The following C10orf105 variants were observed in gnomAD, a reference collection of about 807,000 sequenced individuals.
The protein encoded by C10orf105 is chromosome 10 open reading frame 105.
Under a neutral mutation model 0.6 loss-of-function variants are expected in C10orf105, and 2 were observed. The ratio of observed to expected loss-of-function variants is 3.18; its 90% CI spans 1.30 to 10.01. The LOEUF (loss-of-function observed/expected upper bound fraction) is 10.01, where lower values mean the gene tolerates loss of function less well. C10orf105 is among the 30% of genes most tolerant of loss of function. The probability of loss-of-function intolerance (pLI) is 0.04; values close to 1 mark genes in which losing one functional copy is unlikely to be tolerated. For synonymous variants in C10orf105, 95 were observed against 82.4 expected, an observed-to-expected ratio of 1.15 and a Z score of -0.83; for missense variants, 209 against 191.4, an observed-to-expected ratio of 1.09 and a Z score of -0.54.
intron 1 of C10orf105, among the ~76,000 whole-genome samples, chr10:71,718,469 C>T (rs986896415): frequency 2.1e-4 from 32 of 152,142 alleles, no homozygotes; most frequent in Non-Finnish European, 2.8e-4. Context: ...TCCGCCTTTG[C>T]GGCATCAGGC....
chr10:71,716,614 G>A, intron 1 of C10orf105: 1 of 370,860 alleles, frequency 2.7e-6, no homozygotes, highest in East Asian at 4.1e-5. Flanking sequence ...GAGGGCGGTG[G>A]CCTGTCCGCA....
At position 71,713,563 on chromosome 10, in the gene C10orf105, G is replaced by A; in HGVS notation, c.*2373C>T. On this transcript the variant is annotated 3_prime_UTR_variant, in exon 2 of 2. Transcript: ENST00000441508. ...CAGGAGGCGGGCAGGAAAGGGCTGG[G>A]GAGCAGGGAGCTGACTCCCAGAAAC... 1 of 460,450 alleles carries A rather than the reference G, an allele frequency of 2.2e-6. No individual in the cohort carries two copies. Among genetic ancestry groups the A allele is most frequent in the Non-Finnish European group, 3.9e-6 (1 of 254,968 alleles). 28.5% of individuals were successfully genotyped at this position (460,450 alleles called of 1,614,324 possible).
intron 1 of C10orf105, among the ~76,000 whole-genome samples, chr10:71,719,071 C>T (rs1032396004): frequency 3.3e-5 from 5 of 151,808 alleles, no homozygotes; most frequent in African/African-American, 1.2e-4. Context: ...GAGCAACACT[C>T]TGTCTCAAAA....
Position 71,716,197 on chromosome 10 carries a change from G to A in C10orf105, c.141C>T (p.Leu47=), listed in dbSNP as rs967028226. ...PMLIALACIF[L]LLATCLLFMT... ...TGAACAGCAGACAGGTGGCCAGCAG[G>A]AGGAAGATGCAGGCCAGGGCGATGA... is the stretch of plus-strand genomic sequence containing the variant. The change falls in exon 2 of 2, where the codon CTC becomes CTT. Residue 47 remains leucine, a synonymous_variant. Coordinates refer to ENST00000441508, the MANE Select transcript of C10orf105 (RefSeq NM_001164375.3). The A allele has an allele frequency of 3.9e-6, 6 of 1,551,160 alleles. No individual in the cohort carries two copies. The African/African-American group carries it at 5.5e-5, about 14-fold the overall frequency.
At position 71,715,996 on chromosome 10, in the gene C10orf105, G is replaced by A. The variant is rs754255948; in HGVS notation, c.342C>T (p.Pro114=). ...RHGRPTVPRQ[P]LPGPEDNRSH... is the part of the protein sequence containing the mutation. ...TGCGGTTGTCCTCGGGGCCCGGCAG[G>A]GGCTGTCGAGGGACGGTGGGCCGGC... Residue 114 remains proline, a synonymous_variant, in exon 2 of 2, where the codon CCC becomes CCT. Transcript: ENST00000441508. 1,751 of 1,497,098 alleles carry A rather than the reference G, an allele frequency of 1.2e-3. 3 individuals carry two copies. Among genetic ancestry groups the A allele is most frequent in the Non-Finnish European group, 1.4e-3 (1,620 of 1,122,838 alleles). The allele number at this position is 1,497,098 out of a possible 1,614,324, so 92.7% of individuals were successfully genotyped here.
At chr10:71,718,152 T>G (rs1219021629) in intron 1 of C10orf105, among the ~76,000 whole-genome samples, 1 of 152,212 alleles carries the variant, frequency 6.6e-6, no homozygotes, top group African/African-American at 2.4e-5. Flanking sequence ...CAGTTGAGTT[T>G]CTAGCACGGA....
intron 1 of C10orf105, among the ~76,000 whole-genome samples, chr10:71,734,003 G>A (rs571539135): frequency 9.8e-5 from 15 of 152,356 alleles, no homozygotes; most frequent in Non-Finnish European, 2.2e-4. Context: ...ACAACAGAGG[G>A]GTAGTGGAGC....
intron 1 of C10orf105, chr10:71,717,063 G>A (rs1007310012): frequency 2.6e-5 from 4 of 152,272 alleles, no homozygotes; most frequent in African/African-American, 9.7e-5. Flanking sequence ...CTGGCCCCGT[G>A]GGGATTCCTG....
upstream of C10orf105, chr10:71,724,250 G>A (rs1866706703): frequency 2.5e-6 from 2 of 796,418 alleles, no homozygotes; most frequent in Non-Finnish European, 4.1e-6. Flanking sequence ...GAGGAAACAG[G>A]GACATTCTCC....
chr10:71,725,499 C>A (rs748972203), intron 1 of C10orf105: 1 of 1,613,640 alleles, frequency 6.2e-7, no homozygotes, highest in Non-Finnish European at 8.5e-7. Context: ...ACGACCTGGG[C>A]CCCATGCGGA....
intron 1 of C10orf105, among the ~76,000 whole-genome samples, chr10:71,730,079 C>T (rs1839313298): frequency 6.6e-6 from 1 of 152,126 alleles, no homozygotes; most frequent in Admixed American, 6.5e-5. Flanking sequence ...CGTGATCTGC[C>T]CACCTCGGCC....
rs1269560439 is a variant in C10orf105 at position 71,712,542 on chromosome 10, G to T, written c.*3394C>A. On this transcript the variant is annotated 3_prime_UTR_variant, in exon 2 of 2. Transcript: ENST00000441508. ...AAAAAGGAAGTCACCCCTTGCAAAG[G>T]CTAGGGCAGATGGGGCGGAACAGGG... is the stretch of plus-strand genomic sequence containing the variant. 2.8e-6 allele frequency: 3 copies of T among 1,087,996 alleles called. No homozygotes were observed. In the East Asian group the frequency reaches 7.7e-5, roughly 28 times the overall value. 67.4% of individuals were successfully genotyped at this position (1,087,996 alleles called of 1,614,324 possible).
At position 71,712,874 on chromosome 10, in the gene C10orf105, C is replaced by T; in HGVS notation, c.*3062G>A. The T allele has an allele frequency of 2.5e-6, 4 of 1,569,030 alleles. No individual in the cohort carries two copies. The highest frequency in any genetic ancestry group is 1.8e-5 in the Admixed American group (1 of 54,794). On this transcript the variant is annotated 3_prime_UTR_variant, in exon 2 of 2. Transcript: ENST00000441508. ...CTGGGGGAGGCGGAGCCACACACGGCCCTGAGGGCACATGCTCAGTGGCAC... is the reference window on the plus strand; with the variant it reads ...CTGGGGGAGGCGGAGCCACACACGGTCCTGAGGGCACATGCTCAGTGGCAC...
chr10:71,712,626 AG>A lies in C10orf105; in HGVS notation c.*3309del, dbSNP rs765164653. On this transcript the variant is annotated 3_prime_UTR_variant, in exon 2 of 2. Coordinates refer to ENST00000441508, the MANE Select transcript of C10orf105 (RefSeq NM_001164375.3). ...GTCACAGGAAGTGTGCCCCTCTCTC[AG>A]GCAGCTGCTAACACCTGTCTTCCTT... The A allele has an allele frequency of 1.9e-6, 3 of 1,607,960 alleles. No individual in the cohort carries two copies. In the Admixed American group the frequency reaches 5.0e-5, roughly 27 times the overall value.
intron 1 of C10orf105, among the ~76,000 whole-genome samples, chr10:71,728,050 C>G (rs1055859036): frequency 1.3e-5 from 2 of 152,090 alleles, no homozygotes; most frequent in African/African-American, 4.8e-5. Context: ...TCAGCCTGGC[C>G]CTGTTTTTTC....
At chr10:71,722,854 G>A (rs1866620583), upstream of C10orf105, among the ~76,000 whole-genome samples, 1 of 152,188 alleles carries the variant, frequency 6.6e-6, no homozygotes, top group Admixed American at 6.5e-5. Context: ...AGTGTGCCAG[G>A]GCAGTTAAGA....
intron 1 of C10orf105, among the ~76,000 whole-genome samples, chr10:71,726,565 GA>G (rs1668786334): frequency 6.6e-6 from 1 of 152,234 alleles, no homozygotes. Flanking sequence ...CTGCCCTGTG[GA>G]AATGGCTGAG....
intron 1 of C10orf105, chr10:71,717,803 C>T (rs1168859922): frequency 6.6e-6 from 1 of 152,120 alleles, no homozygotes; most frequent in East Asian, 1.9e-4. Context: ...ACATTCTAGA[C>T]GTTTAAATGT....
upstream of C10orf105, among the ~76,000 whole-genome samples, chr10:71,720,170 C>T (rs1291572837): frequency 1.3e-5 from 2 of 152,202 alleles, no homozygotes; most frequent in Non-Finnish European, 2.9e-5. Context: ...AGGGAGAGTG[C>T]TGGTCCCTGG....
Sources: allele counts gnomAD v4.1 joint callset (sites outside exome capture counted in the v4.1 genomes callset), GRCh38; gene constraint gnomAD v4.1.1; transcripts MANE v1.5; gene names NCBI Gene and HGNC (gene_info 2026-07-23, HGNC 2026-07-21).